HNF1B: variants seen among roughly 807,000 people sequenced by gnomAD.
HNF1B encodes hepatocyte nuclear factor 1-beta.
A neutral mutation model predicts 61.7 loss-of-function variants in HNF1B; 8 were observed. The ratio of observed to expected loss-of-function variants is 0.13; its 90% CI spans 0.08 to 0.23. The LOEUF (loss-of-function observed/expected upper bound fraction) is 0.23. HNF1B is among the 10% of genes least tolerant of loss of function. HNF1B has a pLI of 1.00. For synonymous variants in HNF1B, 314 were observed against 287.7 expected, an observed-to-expected ratio of 1.09 and a Z score of -0.93; for missense variants, 562 against 714.5, an observed-to-expected ratio of 0.79 and a Z score of 2.43.
chr17:37,690,639 G>A (rs765981963), intron 8 of HNF1B, among the ~76,000 whole-genome samples: 10 of 152,198 alleles, frequency 6.6e-5, no homozygotes, highest in Non-Finnish European at 1.2e-4. Context: ...CTGATGTGAT[G>A]TGGAGAGAAG....
At chr17:37,723,495 C>G (rs2033393348) in intron 4 of HNF1B, among the ~76,000 whole-genome samples, 1 of 152,204 alleles carries the variant, frequency 6.6e-6, no homozygotes, top group Non-Finnish European at 1.5e-5. Flanking sequence ...CCATGGTCTT[C>G]CCAGCTTCCC....
intron 1 of HNF1B, among the ~76,000 whole-genome samples, chr17:37,742,303 G>C (rs2147586424): frequency 6.6e-6 from 1 of 152,372 alleles, no homozygotes; most frequent in East Asian, 1.9e-4. Flanking sequence ...AGAAAGGCCA[G>C]CTCCGGCCGG....
intron 1 of HNF1B, among the ~76,000 whole-genome samples, chr17:37,742,511 C>G (rs949526061): frequency 6.6e-6 from 1 of 152,198 alleles, no homozygotes; most frequent in African/African-American, 2.4e-5. Context: ...ACCTAGGAAC[C>G]GCTAGCGATT....
At chr17:37,725,716 T>G (rs1373518065) in intron 4 of HNF1B, among the ~76,000 whole-genome samples, 3 of 152,220 alleles carry the variant, frequency 2.0e-5, no homozygotes, top group Non-Finnish European at 4.4e-5. Flanking sequence ...TGGGCCTTAT[T>G]TACCGTGAGG....
In HNF1B at chr17:37,727,253, C is replaced by G. The variant is rs1294563327; in HGVS notation, c.1045+4342G>C. Among the ~76,000 whole-genome samples, 4 of 152,142 alleles carry G rather than the reference C, an allele frequency of 2.6e-5. No individual in the cohort carries two copies. The East Asian group carries it at 7.7e-4, about 29-fold the overall frequency. ...TAGAGGCCATCACTCCAGACCTGCTCAATGGCTTCAGAATGGGCTGTCATG... is the reference window on the plus strand; with the variant it reads ...TAGAGGCCATCACTCCAGACCTGCTGAATGGCTTCAGAATGGGCTGTCATG... On this transcript the variant is annotated intron_variant, in intron 4 of 8. Transcript: ENST00000617811.
intron 6 of HNF1B, among the ~76,000 whole-genome samples, chr17:37,702,220 A>C (rs2032595179): frequency 6.6e-6 from 1 of 152,128 alleles, no homozygotes; most frequent in Non-Finnish European, 1.5e-5. Flanking sequence ...TGGAAGGGAC[A>C]CCTAGAGAGG....
chr17:37,710,695 T>A (rs1024113090), intron 4 of HNF1B, 32 bp from the exon 5 acceptor site: 4 of 1,603,494 alleles, frequency 2.5e-6, no homozygotes, highest in Non-Finnish European at 3.4e-6. Flanking sequence ...GTAGGGAACA[T>A]TAGTGCCACC....
chr17:37,707,770 T>C (rs1303261127), intron 5 of HNF1B, among the ~76,000 whole-genome samples: 1 of 100,338 alleles, frequency 1.0e-5, no homozygotes, highest in Admixed American at 1.0e-4. Flanking sequence ...GTTCTCTCTC[T>C]TTTTTTTTTT....
intron 1 of HNF1B, among the ~76,000 whole-genome samples, chr17:37,743,112 C>A (rs2147591254): frequency 6.6e-6 from 1 of 152,340 alleles, no homozygotes; most frequent in Middle Eastern, 3.4e-3. Flanking sequence ...GGAGGGGCGC[C>A]CCAGGTCCTT....
intron 2 of HNF1B, among the ~76,000 whole-genome samples, chr17:37,738,376 T>C (rs1184217463): frequency 6.6e-6 from 1 of 152,146 alleles, no homozygotes; most frequent in East Asian, 1.9e-4. Context: ...CAATAAATAC[T>C]GAAACAATCA....
intron 4 of HNF1B, chr17:37,731,191 G>C (rs1161533097): frequency 3.1e-6 from 1 of 319,628 alleles, no homozygotes; most frequent in Non-Finnish European, 6.0e-6. Flanking sequence ...AGATGGAGGA[G>C]GTGGCCGGAG....
At chr17:37,723,481 C>T (rs1298779908) in intron 4 of HNF1B, among the ~76,000 whole-genome samples, 1 of 152,216 alleles carries the variant, frequency 6.6e-6, no homozygotes, top group Non-Finnish European at 1.5e-5. Flanking sequence ...CTGCCCCCAC[C>T]AATCCATGGT....
chr17:37,703,246 G>C (rs570750851), intron 6 of HNF1B, among the ~76,000 whole-genome samples: 17 of 152,304 alleles, frequency 1.1e-4, no homozygotes, highest in African/African-American at 3.8e-4. Context: ...ACACAGATAT[G>C]TACACACACA....
At chr17:37,708,194 G>A (rs2032814594) in intron 5 of HNF1B, among the ~76,000 whole-genome samples, 1 of 152,070 alleles carries the variant, frequency 6.6e-6, no homozygotes, top group Non-Finnish European at 1.5e-5. Context: ...TCTTGCCTTG[G>A]GGGACCAAGA....
intron 6 of HNF1B, 46 bp downstream of exon 6, chr17:37,704,868 ATTC>A (rs1273303172): frequency 1.0e-5 from 16 of 1,606,274 alleles, no homozygotes; most frequent in South Asian, 7.7e-5. Context: ...TTTGCTTCCC[ATTC>A]TTCTTCTCCC....
At chr17:37,696,511 C>T (rs997049291) in intron 8 of HNF1B, among the ~76,000 whole-genome samples, 4 of 152,198 alleles carry the variant, frequency 2.6e-5, no homozygotes, top group African/African-American at 4.8e-5. Flanking sequence ...CTCACACTCT[C>T]ACCACGTGAT....
At chr17:37,706,083 C>T (rs11870929) in intron 5 of HNF1B, among the ~76,000 whole-genome samples, 119 of 152,216 alleles carry the variant, frequency 7.8e-4, no homozygotes, top group African/African-American at 2.7e-3. Flanking sequence ...CTCAGCCTCC[C>T]GAGTGGATGG....
At chr17:37,708,546 A>C (rs1021694389) in intron 5 of HNF1B, among the ~76,000 whole-genome samples, 3 of 152,190 alleles carry the variant, frequency 2.0e-5, no homozygotes, top group East Asian at 1.9e-4. Flanking sequence ...TCAAGCAGTA[A>C]GAGCTGAGAC....
chr17:37,733,516 G>A, intron 3 of HNF1B, 41 bp downstream of exon 3: 1 of 1,613,342 alleles, frequency 6.2e-7, no homozygotes, highest in African/African-American at 1.3e-5. Context: ...CTGGGTCTGT[G>A]TACTTGCCCA....
Sources: gnomAD v4.1 joint callset for allele counts (sites outside exome capture counted in the v4.1 genomes callset) on GRCh38, gnomAD v4.1.1 for gene constraint, MANE v1.5 for transcripts, NCBI Gene and HGNC (gene_info 2026-07-23, HGNC 2026-07-21) for gene names.